The following MYT1 variants were observed in gnomAD, a reference collection of about 807,000 sequenced individuals.
The protein encoded by MYT1 is myelin transcription factor 1.
MYT1 carries 23 observed loss-of-function variants against 123.0 expected under a neutral mutation model. The ratio of observed to expected loss-of-function variants is 0.19; its 90% CI spans 0.13 to 0.26. The LOEUF is 0.26. Among genes scored for constraint, MYT1 ranks in the 10% least tolerant of loss-of-function variants. MYT1 has a pLI of 1.00. For missense variants in MYT1, 1,125 were observed against 1,472.5 expected, an observed-to-expected ratio of 0.76 and a Z score of 3.86; for synonymous variants, 518 against 575.3, an observed-to-expected ratio of 0.90 and a Z score of 1.43.
In MYT1 at chr20:64,232,407, G is replaced by C. The variant is rs529235287; in HGVS notation, c.2897+22G>C. ...GGAGGTAACTGTGCCTGCAGGTCCT[G>C]CCCCTCTGTGCAGTCAGTAGGGACC... is the stretch of plus-strand genomic sequence containing the variant. On this transcript the variant is annotated intron_variant, in intron 19 of 22. Transcript: ENST00000328439. The surrounding 1 kb of genome is among the most constrained non-coding windows in gnomAD (Gnocchi z 6.9). 2 of 1,610,396 alleles carry C rather than the reference G, an allele frequency of 1.2e-6. No individual in the cohort carries two copies. Among genetic ancestry groups the C allele is most frequent in the East Asian group, 2.2e-5 (1 of 44,854 alleles).
chr20:64,216,232 A>G (rs969950066), intron 10 of MYT1, among the ~76,000 whole-genome samples: 2 of 152,254 alleles, frequency 1.3e-5, no homozygotes, highest in East Asian at 3.8e-4. Context: ...ACAGGAACAA[A>G]GAAAGCCATG....
In MYT1 at chr20:64,217,157, C is replaced by T. The variant is rs779705540; in HGVS notation, c.1722C>T (p.Ala574=). 7.4e-6 allele frequency: 12 copies of T among 1,614,240 alleles called. No homozygotes were observed. Among genetic ancestry groups the T allele is most frequent in the South Asian group, 1.1e-5 (1 of 91,090 alleles). Reference sequence around the variant, plus strand: ...CCGCCACACCCAGGGCCAACTTGGCCAAGGAGCTGGAGAAGTTCTCCAAGG... The same window carrying T: ...CCGCCACACCCAGGGCCAACTTGGCTAAGGAGCTGGAGAAGTTCTCCAAGG... ...VAPATPRANL[A]KELEKFSKVT... The change falls in exon 11 of 23, where the codon GCC becomes GCT. Residue 574 remains alanine (A), a synonymous_variant. Transcript: ENST00000328439.
intron 2 of MYT1, among the ~76,000 whole-genome samples, chr20:64,194,339 T>C (rs961833713): frequency 4.6e-5 from 7 of 152,160 alleles, no homozygotes; most frequent in African/African-American, 1.4e-4. Context: ...AGGTCACTGA[T>C]CCATTCACCC....
At position 64,164,696 on chromosome 20, in the gene MYT1, G is replaced by A. The variant is rs1440411085; in HGVS notation, c.-142G>A. The A allele has an allele frequency of 6.6e-6, 1 of 151,884 alleles. No individual in the cohort carries two copies. Among genetic ancestry groups the A allele is most frequent in the Non-Finnish European group, 1.5e-5 (1 of 68,024 alleles). The allele number at this position is 151,884 out of a possible 1,614,324, so 9.4% of individuals were successfully genotyped here. ...CATGTAAATTTCATGATTGCTTTCCGTGATGTCATTTTGAAAGAGGACAGA... is the reference window on the plus strand; with the variant it reads ...CATGTAAATTTCATGATTGCTTTCCATGATGTCATTTTGAAAGAGGACAGA... On this transcript the variant is annotated 5_prime_UTR_variant, in exon 1 of 23. In the 5' UTR this introduces an upstream ATG that the reference lacks. Transcript: ENST00000328439.
rs1982112923 is a variant in MYT1, at chr20:64,167,323, G to A, written c.-99+2584G>A. Among the ~76,000 whole-genome samples the A allele has an allele frequency of 6.6e-6, 1 of 152,206 alleles. No homozygotes were observed. Among genetic ancestry groups the A allele is most frequent in the South Asian group, 2.1e-4 (1 of 4,834 alleles). ...CCTGGACGGACTCAGTGCAAAAGGT[G>A]CGTCTACTTTGGAAAAGACTGAGCA... On this transcript the variant is annotated intron_variant, in intron 1 of 22. Transcript: ENST00000328439. The surrounding 1 kb of genome is among the most constrained non-coding windows in gnomAD (Gnocchi z 6.3).
intron 1 of MYT1, among the ~76,000 whole-genome samples, chr20:64,188,949 C>A (rs1982890905): frequency 6.6e-6 from 1 of 152,196 alleles, no homozygotes; most frequent in Non-Finnish European, 1.5e-5. Context: ...CCTCTGTAGA[C>A]CTCGTATTAG....
intron 20 of MYT1, among the ~76,000 whole-genome samples, chr20:64,237,019 T>A (rs974329366): frequency 6.6e-6 from 1 of 152,334 alleles, no homozygotes; most frequent in African/African-American, 2.4e-5. Flanking sequence ...ATGTAGCATT[T>A]AATACCTCCC....
At chr20:64,172,884 A>G (rs1982329491) in intron 1 of MYT1, among the ~76,000 whole-genome samples, 1 of 149,844 alleles carries the variant, frequency 6.7e-6, no homozygotes, top group African/African-American at 2.5e-5. Flanking sequence ...ATGTGCCACC[A>G]CACCTGGCTA....
chr20:64,189,029 A>G lies in MYT1; in HGVS notation c.-98-1034A>G, dbSNP rs1982893052. On this transcript the variant is annotated intron_variant, in intron 1 of 22. Transcript: ENST00000328439. This position sits in a 1 kb window ranked among gnomAD's most constrained non-coding sequence, Gnocchi z 5.5. ...TCTGGAAGGTAATCCGAAGCCCTTT[A>G]ATGGGATGGAAGCATTTCCAGATAA... 6.6e-6 allele frequency among the ~76,000 whole-genome samples: 1 copy of G among 152,130 alleles called. No homozygotes were observed. Among genetic ancestry groups the G allele is most frequent in the Non-Finnish European group, 1.5e-5 (1 of 68,024 alleles).
rs988543406 is a variant in MYT1, at chr20:64,166,882, T to C, written c.-99+2143T>C. On this transcript the variant is annotated intron_variant, in intron 1 of 22. Coordinates refer to ENST00000328439, the MANE Select transcript of MYT1 (RefSeq NM_004535.3). This position sits in a 1 kb window ranked among gnomAD's most constrained non-coding sequence, Gnocchi z 4.9. ...GAGGGTATGCGGCCACGGGGGTGCA[T>C]GCTGGGCAGCTCTGGCAGCTGACCA... is the stretch of plus-strand genomic sequence containing the variant. 6.6e-6 allele frequency among the ~76,000 whole-genome samples: 1 copy of C among 152,160 alleles called. No individual in the cohort carries two copies. Among genetic ancestry groups the C allele is most frequent in the African/African-American group, 2.4e-5 (1 of 41,438 alleles).
rs946377663 is a variant in MYT1, at chr20:64,216,417, A to G, written c.1632-650A>G. Among the ~76,000 whole-genome samples the G allele has an allele frequency of 2.6e-5, 4 of 152,264 alleles. No individual in the cohort carries two copies. In the South Asian group the frequency reaches 8.3e-4, roughly 31 times the overall value. On this transcript the variant is annotated intron_variant, in intron 10 of 22. Transcript: ENST00000328439. Reference sequence around the variant, plus strand: ...GAAGTATTCCAAGAGCATTAGTGGCAGTGAACTGAATGCTTGCAGTAGCTT... The same window carrying G: ...GAAGTATTCCAAGAGCATTAGTGGCGGTGAACTGAATGCTTGCAGTAGCTT...
In MYT1 at chr20:64,212,205, GCC is replaced by G; in HGVS notation, c.1517+68_1517+69del. On this transcript the variant is annotated intron_variant, in intron 9 of 22. Coordinates refer to ENST00000328439, the MANE Select transcript of MYT1 (RefSeq NM_004535.3). The surrounding 1 kb of genome is among the most constrained non-coding windows in gnomAD (Gnocchi z 6.8). ...GGCCGTGGTGGGGGCCAGGGTGGGG[GCC>G]GTGGTGGGGGCCAGGGTGGGGGCCG... is the stretch of plus-strand genomic sequence containing the variant. 3.1e-5 allele frequency: 8 copies of G among 261,098 alleles called. No individual in the cohort carries two copies. In the South Asian group the frequency reaches 3.5e-4, roughly 11 times the overall value. The allele number at this position is 261,098 out of a possible 1,614,324, so 16.2% of individuals were successfully genotyped here.
Position 64,207,587 on chromosome 20 carries a change from T to G in MYT1, c.398-7T>G. On this transcript the variant is annotated splice_region_variant and splice_polypyrimidine_tract_variant and intron_variant, in intron 6 of 22. Coordinates refer to ENST00000328439, the MANE Select transcript of MYT1 (RefSeq NM_004535.3). ...CTGGCCCCCACGTTGATTTTGATTT[T>G]GTGCAGGAAGGAGCCCCGTCAAGTC... is the stretch of plus-strand genomic sequence containing the variant. 6.2e-7 allele frequency: 1 copy of G among 1,608,274 alleles called. No individual in the cohort carries two copies. Among genetic ancestry groups the G allele is most frequent in the Non-Finnish European group, 8.5e-7 (1 of 1,176,262 alleles).
intron 16 of MYT1, among the ~76,000 whole-genome samples, chr20:64,223,967 C>T (rs1984090696): frequency 6.6e-6 from 1 of 152,228 alleles, no homozygotes. Flanking sequence ...AGGGCAGGCC[C>T]TGCAGGCACC....
In MYT1 at chr20:64,185,058, G is replaced by A. The variant is rs1349149649; in HGVS notation, c.-98-5005G>A. ...GTGGGTGGAGGCCAACTGTGGTGGG[G>A]AGTGAAGCGTAGTTATGAAGCAGGA... On this transcript the variant is annotated intron_variant, in intron 1 of 22. Coordinates refer to ENST00000328439, the MANE Select transcript of MYT1 (RefSeq NM_004535.3). This position sits in a 1 kb window ranked among gnomAD's most constrained non-coding sequence, Gnocchi z 4.5. 1.3e-5 allele frequency among the ~76,000 whole-genome samples: 2 copies of A among 152,200 alleles called. No homozygotes were observed. Among genetic ancestry groups the A allele is most frequent in the Non-Finnish European group, 2.9e-5 (2 of 68,032 alleles).
At position 64,189,903 on chromosome 20, in the gene MYT1, C is replaced by A. The variant is rs370331051; in HGVS notation, c.-98-160C>A. Among the ~76,000 whole-genome samples the A allele has an allele frequency of 1.3e-5, 2 of 152,076 alleles. No homozygotes were observed. The highest frequency in any genetic ancestry group is 4.8e-5 in the African/African-American group (2 of 41,410). On this transcript the variant is annotated intron_variant, in intron 1 of 22. Transcript: ENST00000328439. This position sits in a 1 kb window ranked among gnomAD's most constrained non-coding sequence, Gnocchi z 5.5. ...TCTTGTTCCTGAAGCAGCCATGGAGCCATGACCTTGTCTGTTTCTCCGGTG... is the reference window on the plus strand; with the variant it reads ...TCTTGTTCCTGAAGCAGCCATGGAGACATGACCTTGTCTGTTTCTCCGGTG...
chr20:64,234,685 C>G (rs950320938), intron 19 of MYT1, among the ~76,000 whole-genome samples: 4 of 137,666 alleles, frequency 2.9e-5, no homozygotes, highest in African/African-American at 1.1e-4. Context: ...GGTATGTGAC[C>G]CTGGGCTGGC....
At chr20:64,169,331 G>A (rs372522832) in intron 1 of MYT1, among the ~76,000 whole-genome samples, 5 of 152,210 alleles carry the variant, frequency 3.3e-5, no homozygotes, top group African/African-American at 1.2e-4. Context: ...CCCGAGGCGC[G>A]TCCCCAATCC....
At chr20:64,165,820 GC>G (rs1982063407) in intron 1 of MYT1, among the ~76,000 whole-genome samples, 1 of 152,032 alleles carries the variant, frequency 6.6e-6, no homozygotes, top group African/African-American at 2.4e-5. Context: ...GGAGAATTTT[GC>G]CCTTGCAGTT....
Sources: gnomAD v4.1 joint callset for allele counts (sites outside exome capture counted in the v4.1 genomes callset) on GRCh38, gnomAD v4.1.1 for gene constraint, Gnocchi (gnomAD v3.1) non-coding constraint, MANE v1.5 for transcripts, NCBI Gene and HGNC (gene_info 2026-07-23, HGNC 2026-07-21) for gene names.